RICTOR: variants seen among roughly 807,000 people sequenced by gnomAD.
The protein encoded by RICTOR is rapamycin-insensitive companion of mTOR.
RICTOR carries 49 observed loss-of-function variants against 214.9 expected under a neutral mutation model. The observed-to-expected ratio is 0.23, with a 90% CI of 0.18 to 0.29. RICTOR has a LOEUF of 0.29. RICTOR is among the 10% of genes least tolerant of loss of function. The pLI, the probability that RICTOR is intolerant of heterozygous loss-of-function variation, is 1.00. For synonymous variants in RICTOR, 717 were observed against 711.3 expected (o/e 1.01, Z -0.13); for missense variants, 1,625 against 2,047.0 (o/e 0.79, Z 3.98).
Position 39,038,912 on chromosome 5 carries a change from A to G in RICTOR, c.98-17776T>C, listed in dbSNP as rs1464563364. ...CTGCCCAAGGTAATTTATAGATTCAATGCCATCCCCATCAAGCTACCAATG... is the reference window on the plus strand; with the variant it reads ...CTGCCCAAGGTAATTTATAGATTCAGTGCCATCCCCATCAAGCTACCAATG... On this transcript the variant is annotated intron_variant, in intron 2 of 37. Transcript: ENST00000357387. 7.2e-5 allele frequency among the ~76,000 whole-genome samples: 11 copies of G among 152,048 alleles called. No homozygotes were observed. In the East Asian group the frequency reaches 1.9e-3, roughly 27 times the overall value.
chr5:39,037,596 G>C (rs1199600896), intron 2 of RICTOR, among the ~76,000 whole-genome samples: 1 of 151,940 alleles, frequency 6.6e-6, no homozygotes, highest in African/African-American at 2.4e-5. Flanking sequence ...AGAAAAGAGA[G>C]AAGAATCAAA....
intron 2 of RICTOR, among the ~76,000 whole-genome samples, chr5:39,073,077 G>A (rs1759437764): frequency 6.6e-6 from 1 of 152,204 alleles, no homozygotes; most frequent in African/African-American, 2.4e-5. Flanking sequence ...CAGTCATTAC[G>A]TCAGGTACGA....
intron 3 of RICTOR, among the ~76,000 whole-genome samples, chr5:39,017,923 T>C (rs758814549): frequency 6.6e-6 from 1 of 152,122 alleles, no homozygotes; most frequent in Non-Finnish European, 1.5e-5. Context: ...GCTAAAATAG[T>C]GCATTTTCAA....
At chr5:39,049,096 A>T (rs1353818651) in intron 2 of RICTOR, among the ~76,000 whole-genome samples, 2 of 152,138 alleles carry the variant, frequency 1.3e-5, no homozygotes, top group Non-Finnish European at 2.9e-5. Flanking sequence ...GAGAATCTGA[A>T]TTTAAAGTAG....
chr5:39,039,716 G>A (rs1251557306), intron 2 of RICTOR, among the ~76,000 whole-genome samples: 1 of 152,068 alleles, frequency 6.6e-6, no homozygotes, highest in African/African-American at 2.4e-5. Context: ...ACATGAAAAA[G>A]TGCTCATCAT....
intron 28 of RICTOR, 104 bp from the exon 29 acceptor site, chr5:38,953,195 A>C (rs1748944909): frequency 1.3e-6 from 1 of 766,424 alleles, no homozygotes; most frequent in Non-Finnish European, 2.2e-6. Flanking sequence ...AGAGAGAAAA[A>C]ATGTAAAAGC....
At chr5:39,027,400 A>C (rs1050391771) in intron 2 of RICTOR, among the ~76,000 whole-genome samples, 1 of 152,202 alleles carries the variant, frequency 6.6e-6, no homozygotes, top group Non-Finnish European at 1.5e-5. Flanking sequence ...ACTGAAAAAA[A>C]ATGAAGACTT....
At chr5:38,976,930 G>A (rs1345429244) in intron 9 of RICTOR, among the ~76,000 whole-genome samples, 1 of 152,178 alleles carries the variant, frequency 6.6e-6, no homozygotes, top group Non-Finnish European at 1.5e-5. Flanking sequence ...AACATGGTGA[G>A]GTATCAGCGC....
chr5:39,060,493 CAA>C (rs1041985198), intron 2 of RICTOR, among the ~76,000 whole-genome samples: 5 of 151,938 alleles, frequency 3.3e-5, no homozygotes, highest in Admixed American at 3.3e-4. Flanking sequence ...ATACAGGAAT[CAA>C]AAGAGCGGTG....
chr5:39,024,797 C>A (rs907533078), intron 2 of RICTOR, among the ~76,000 whole-genome samples: 1 of 152,138 alleles, frequency 6.6e-6, no homozygotes, highest in Non-Finnish European at 1.5e-5. Context: ...TTAAATACTG[C>A]CTATTTTCTG....
chr5:39,040,772 G>T (rs1291368770), intron 2 of RICTOR, among the ~76,000 whole-genome samples: 1 of 152,012 alleles, frequency 6.6e-6, no homozygotes, highest in East Asian at 1.9e-4. Context: ...TATCTACGCA[G>T]TATTTCAATT....
intron 3 of RICTOR, among the ~76,000 whole-genome samples, chr5:39,014,290 T>C (rs1754771654): frequency 6.6e-6 from 1 of 152,156 alleles, no homozygotes; most frequent in Non-Finnish European, 1.5e-5. Flanking sequence ...ACACTTCATT[T>C]TATTTTGCTC....
intron 2 of RICTOR, among the ~76,000 whole-genome samples, chr5:39,071,380 TTATTAACAAGTTTATAA>T (rs919894125): frequency 1.8e-4 from 28 of 152,190 alleles, no homozygotes; most frequent in African/African-American, 6.8e-4. Context: ...CCATAATTCC[TTATTAACAAGTTTATAA>T]TATTCAAAAC....
chr5:39,046,028 AAAATAAATAAATAAAT>A (rs141969707), intron 2 of RICTOR, among the ~76,000 whole-genome samples: 2 of 140,268 alleles, frequency 1.4e-5, no homozygotes, highest in East Asian at 4.1e-4. Context: ...TCTGTCTTTA[AAAATAAATAAATAAAT>A]AAATAAATAA....
chr5:39,002,549 G>A lies in RICTOR; in HGVS notation c.378C>T (p.Asp126=). The change falls in exon 5 of 38, where the codon GAC becomes GAT. Residue 126 remains aspartate, a synonymous_variant. Coordinates refer to ENST00000357387, the MANE Select transcript of RICTOR (RefSeq NM_152756.5). The stretch of plus-strand genomic sequence containing the variant: ...AGGAAATTTACCTAGCTATTAAATA[G>A]TCCACTTTCAATTTTAGCACCTTCT... ...ILQKVLKLKV[D]YLIARCIDIQ... The A allele has an allele frequency of 6.2e-7, 1 of 1,606,466 alleles. No homozygotes were observed. Among genetic ancestry groups the A allele is most frequent in the Non-Finnish European group, 8.5e-7 (1 of 1,175,876 alleles).
chr5:39,017,250 A>G (rs961853341), intron 3 of RICTOR, among the ~76,000 whole-genome samples: 18 of 152,236 alleles, frequency 1.2e-4, no homozygotes, highest in Middle Eastern at 3.4e-3. Context: ...CAGGACACAG[A>G]CCTCTATTAT....
intron 2 of RICTOR, among the ~76,000 whole-genome samples, chr5:39,044,771 A>T (rs923924647): frequency 7.2e-5 from 11 of 152,136 alleles, no homozygotes; most frequent in Non-Finnish European, 1.5e-4. Flanking sequence ...GGCAAACAAA[A>T]ATTTAAGCCT....
At chr5:39,031,182 T>C (rs1212871889) in intron 2 of RICTOR, among the ~76,000 whole-genome samples, 16 of 152,194 alleles carry the variant, frequency 1.1e-4, no homozygotes, top group African/African-American at 1.9e-4. Flanking sequence ...TTATCATCTA[T>C]AACTGTTCAG....
intron 2 of RICTOR, among the ~76,000 whole-genome samples, chr5:39,037,457 T>A (rs1443208720): frequency 5.3e-5 from 8 of 151,424 alleles, no homozygotes; most frequent in Non-Finnish European, 7.4e-5. Flanking sequence ...AGGCAAGAAA[T>A]AACTAAGATC....
Sources: allele counts gnomAD v4.1 joint callset (sites outside exome capture counted in the v4.1 genomes callset), GRCh38; gene constraint gnomAD v4.1.1; transcripts MANE v1.5; gene names NCBI Gene and HGNC (gene_info 2026-07-23, HGNC 2026-07-21).